Variants in BLZF1 observed in about 807,000 individuals in gnomAD.
BLZF1 encodes the protein golgin-45.
Under a neutral mutation model 43.8 loss-of-function variants are expected in BLZF1, and 39 were observed. The ratio of observed to expected loss-of-function variants is 0.89; its 90% confidence interval spans 0.69 to 1.16. BLZF1 has a LOEUF of 1.16. Ranked by LOEUF, BLZF1 falls within the 50% of genes most tolerant of loss-of-function variation. The probability of loss-of-function intolerance (pLI) is 0.00; values close to 1 mark genes in which losing one functional copy is unlikely to be tolerated. For synonymous variants in BLZF1, 136 were observed against 159.4 expected (o/e 0.85, Z 1.11); for missense variants, 449 against 469.8 (o/e 0.96, Z 0.41).
exon 8 of BLZF1, chr1:169,396,408 T>G (rs952465391): frequency 1.3e-5 from 2 of 151,888 alleles, no homozygotes; most frequent in Non-Finnish European, 2.9e-5. Flanking sequence ...ATATAAAAAT[T>G]AGCCAGGTGT....
chr1:169,382,399 C>T (rs970544396), intron 6 of BLZF1, 118 bp downstream of exon 6: 8 of 815,456 alleles, frequency 9.8e-6, no homozygotes, highest in Non-Finnish European at 1.5e-5. Flanking sequence ...CTAAACCACT[C>T]ATGCTATTGA....
chr1:169,370,100 T>G (rs1654059246), intron 2 of BLZF1, among the ~76,000 whole-genome samples: 1 of 152,250 alleles, frequency 6.6e-6, no homozygotes, highest in East Asian at 1.9e-4. Flanking sequence ...TTGGTGCTCC[T>G]TGTCTTGTAG....
intron 2 of BLZF1, among the ~76,000 whole-genome samples, chr1:169,371,845 T>C (rs1654131955): frequency 6.6e-6 from 1 of 152,228 alleles, no homozygotes; most frequent in African/African-American, 2.4e-5. Context: ...GACATTTAAA[T>C]ATTTTTGATT....
chr1:169,390,656 T>C (rs1654794764), downstream of BLZF1, among the ~76,000 whole-genome samples: 1 of 152,180 alleles, frequency 6.6e-6, no homozygotes, highest in African/African-American at 2.4e-5. Flanking sequence ...GGGAGAATTA[T>C]TCTGAGGCTA....
chr1:169,382,275 T>A lies in BLZF1; in HGVS notation c.1011T>A (p.Ala337=), dbSNP rs770964640. 8 of 1,612,604 alleles carry A rather than the reference T, an allele frequency of 5.0e-6. No homozygotes were observed. The African/African-American group carries it at 1.1e-4, about 22-fold the overall frequency. ...GCAGCACCCCAGCTGAGAAAATGGC[T>A]GAAACGGTAAAATATTTTCTTTTGT... ...EFCSTPAEKM[A]ETVLRILDPV... is the part of the protein sequence containing the mutation. Residue 337 remains alanine (A), a synonymous_variant, in exon 6 of 7, where the codon GCT becomes GCA. Coordinates refer to ENST00000367808, the MANE Select transcript of BLZF1 (RefSeq NM_001320973.2).
At chr1:169,371,444 AG>A (rs1239020033) in intron 2 of BLZF1, among the ~76,000 whole-genome samples, 1 of 152,228 alleles carries the variant, frequency 6.6e-6, no homozygotes, top group East Asian at 1.9e-4. Flanking sequence ...TTAATTATCC[AG>A]TAAGGAAAAT....
chr1:169,368,220 C>G lies in BLZF1; in HGVS notation c.-173C>G, dbSNP rs1039596323. 1.7e-5 allele frequency: 3 copies of G among 172,388 alleles called. No homozygotes were observed. Among genetic ancestry groups the G allele is most frequent in the Admixed American group, 1.1e-4 (2 of 17,828 alleles). The allele number at this position is 172,388 out of a possible 1,614,324, so 10.7% of individuals were successfully genotyped here. A position where few individuals can be genotyped will look rare whatever the true frequency, so the allele number is the denominator to read the frequency against. The stretch of plus-strand genomic sequence containing the variant: ...AGGAGTGAGAGAGCTGCTGGATATG[C>G]GGAGGGACTGGGCGGGTCGGCTTCC... On this transcript the variant is annotated 5_prime_UTR_variant, in exon 1 of 7. Transcript: ENST00000367808.
At chr1:169,374,293 G>A (rs1201817849) in intron 2 of BLZF1, among the ~76,000 whole-genome samples, 1 of 152,032 alleles carries the variant, frequency 6.6e-6, no homozygotes, top group Non-Finnish European at 1.5e-5. Flanking sequence ...AGGCTGAGGT[G>A]GGAGGATCAC....
Position 169,387,109 on chromosome 1 carries a change from A to T in BLZF1, c.1130A>T (p.His377Leu). 1 of 1,613,712 alleles carries T rather than the reference A, an allele frequency of 6.2e-7. No homozygotes were observed. Among genetic ancestry groups the T allele is most frequent in the Non-Finnish European group, 8.5e-7 (1 of 1,179,884 alleles). The change falls in exon 7 of 7, where the codon CAT becomes CTT. Residue 377 changes from histidine to leucine, a missense_variant. By Grantham distance (99) the His-to-Leu change is moderately conservative. Transcript: ENST00000367808. ...ACAAAGAAAAATATTGGACGATTTC[A>T]TCCCTATACTAGATATGAAAATATA... ...LATKKNIGRFHPYTRYENITF... is the reference protein window; with the variant it reads ...LATKKNIGRFLPYTRYENITF...
At chr1:169,391,331 T>A (rs1279993298), downstream of BLZF1, among the ~76,000 whole-genome samples, 1 of 152,188 alleles carries the variant, frequency 6.6e-6, no homozygotes, top group Non-Finnish European at 1.5e-5. Context: ...TGTGCACTTT[T>A]GAGCACAGGA....
intron 1 of BLZF1, 136 bp downstream of exon 1, chr1:169,368,478 A>T (rs1422771502): frequency 6.6e-6 from 1 of 152,238 alleles, no homozygotes; most frequent in African/African-American, 2.4e-5. Flanking sequence ...GATGAAACTT[A>T]GGTTTCGACT....
intron 3 of BLZF1, 186 bp downstream of exon 3, chr1:169,377,165 CTT>C (rs1557847916): frequency 3.3e-6 from 2 of 613,474 alleles, no homozygotes; most frequent in Non-Finnish European, 2.9e-6. Flanking sequence ...ATATTGGGAA[CTT>C]ATACTCTAAA....
chr1:169,391,158 G>A (rs554269357), downstream of BLZF1, among the ~76,000 whole-genome samples: 3 of 152,288 alleles, frequency 2.0e-5, no homozygotes, highest in Admixed American at 6.5e-5. Context: ...AATGCAAAGC[G>A]GGTGTATAAC....
downstream of BLZF1, among the ~76,000 whole-genome samples, chr1:169,391,519 C>G (rs945723192): frequency 1.5e-4 from 23 of 152,128 alleles, no homozygotes; most frequent in African/African-American, 5.3e-4. Context: ...TCTCGTGGCC[C>G]AATAACGAGA....
At position 169,388,075 on chromosome 1, in the gene BLZF1, T is replaced by G. The variant is rs900384893; in HGVS notation, c.*893T>G. On this transcript the variant is annotated 3_prime_UTR_variant, in exon 7 of 7. Coordinates refer to ENST00000367808, the MANE Select transcript of BLZF1 (RefSeq NM_001320973.2). ...AATATATACTATGTAATATATATTA[T>G]TGTGTATTTATGATTAGCCATCATA... The G allele has an allele frequency of 6.6e-6, 1 of 152,158 alleles. No homozygotes were observed. The highest frequency in any genetic ancestry group is 2.4e-5 in the African/African-American group (1 of 41,454). The allele number at this position is 152,158 out of a possible 1,614,324, so 9.4% of individuals were successfully genotyped here.
At chr1:169,388,479 G>A (rs1654734681), downstream of BLZF1, among the ~76,000 whole-genome samples, 1 of 152,072 alleles carries the variant, frequency 6.6e-6, no homozygotes. Flanking sequence ...ATGATTTCTT[G>A]AATATGACAA....
Position 169,382,277 on chromosome 1 carries a change from A to C in BLZF1, c.1013A>C (p.Glu338Ala), listed in dbSNP as rs1654549319. 2 of 1,612,400 alleles carry C rather than the reference A, an allele frequency of 1.2e-6. No individual in the cohort carries two copies. Among genetic ancestry groups the C allele is most frequent in the Admixed American group, 1.7e-5 (1 of 59,878 alleles). ...FCSTPAEKMA[E>A]TVLRILDPVT... ...AGCACCCCAGCTGAGAAAATGGCTG[A>C]AACGGTAAAATATTTTCTTTTGTGA... Residue 338 changes from glutamate to alanine, a missense_variant, in exon 6 of 7, where the codon GAA (glutamate) becomes GCA (alanine). Physicochemically the swap from Glu to Ala is moderately radical, Grantham distance 107 (BLOSUM62 -1). Coordinates refer to ENST00000367808, the MANE Select transcript of BLZF1 (RefSeq NM_001320973.2).
intron 6 of BLZF1, 105 bp downstream of exon 6, chr1:169,382,386 G>A (rs1654552885): frequency 3.2e-6 from 3 of 944,616 alleles, no homozygotes; most frequent in African/African-American, 3.3e-5. Flanking sequence ...GGAAATGTGG[G>A]ATCTAAACCA....
At chr1:169,380,409 A>AAGT in intron 4 of BLZF1, 72 bp from the exon 5 acceptor site, 1 of 1,388,204 alleles carries the variant, frequency 7.2e-7, no homozygotes, top group Non-Finnish European at 9.9e-7. Flanking sequence ...GACAGTCACA[A>AAGT]AGTAGTATAT....
Sources: allele counts gnomAD v4.1 joint callset (sites outside exome capture counted in the v4.1 genomes callset), GRCh38; gene constraint gnomAD v4.1.1; transcripts MANE v1.5; gene names NCBI Gene and HGNC (gene_info 2026-07-23, HGNC 2026-07-21).